Variants in ARHGAP26 observed in about 807,000 individuals in gnomAD.
ARHGAP26 encodes Rho GTPase activating protein 26.
Under a neutral mutation model 104.8 loss-of-function variants are expected in ARHGAP26, and 38 were observed. The observed-to-expected ratio is 0.36, with a 90% CI of 0.28 to 0.48. The LOEUF is 0.48. Among genes scored for constraint, ARHGAP26 ranks in the 20% least tolerant of loss-of-function variants. ARHGAP26 has a pLI of 0.99. For missense variants in ARHGAP26, 704 were observed against 947.9 expected, an observed-to-expected ratio of 0.74 and a Z score of 3.38; for synonymous variants, 341 against 340.0, an observed-to-expected ratio of 1.00 and a Z score of -0.03.
In ARHGAP26 at chr5:143,064,480, C is replaced by T. The variant is rs554383508; in HGVS notation, c.1538+6733C>T. On this transcript the variant is annotated intron_variant, in intron 17 of 22. Coordinates refer to ENST00000645722, the MANE Select transcript of ARHGAP26 (RefSeq NM_001135608.3). ...TGAAAGAAGTGAGTGATACCGCTTC[C>T]TGGCCTATTTATGGGTATGGGGCAG... 6.0e-5 allele frequency among the ~76,000 whole-genome samples: 9 copies of T among 151,228 alleles called. No individual in the cohort carries two copies. The East Asian group carries it at 1.7e-3, about 29-fold the overall frequency.
chr5:142,984,833 A>G (rs1202936087), intron 11 of ARHGAP26, among the ~76,000 whole-genome samples: 6 of 152,194 alleles, frequency 3.9e-5, no homozygotes, highest in African/African-American at 1.4e-4. Flanking sequence ...CACATGCAAT[A>G]CTTGATAATA....
chr5:143,057,953 A>T, intron 17 of ARHGAP26: 1 of 686,798 alleles, frequency 1.5e-6, no homozygotes, highest in Non-Finnish European at 2.7e-6. Context: ...ATGCTGGGGA[A>T]GTGCTCATGC....
rs564962936 is a variant in ARHGAP26, at chr5:142,883,589, G to A, written c.385-1709G>A. 8.7e-4 allele frequency among the ~76,000 whole-genome samples: 133 copies of A among 152,340 alleles called. 1 individual carries two copies. Among genetic ancestry groups the A allele is most frequent in the African/African-American group, 3.2e-3 (131 of 41,586 alleles). ...ACCAGAGGAGTGGTATTCTGACATA[G>A]CGGAGCTTGTTAGGGCTCCGGGTGA... is the stretch of plus-strand genomic sequence containing the variant. On this transcript the variant is annotated intron_variant, in intron 4 of 22. Coordinates refer to ENST00000645722, the MANE Select transcript of ARHGAP26 (RefSeq NM_001135608.3).
chr5:142,877,569 A>T (rs889121274), intron 3 of ARHGAP26, among the ~76,000 whole-genome samples: 4 of 152,200 alleles, frequency 2.6e-5, no homozygotes, highest in African/African-American at 7.2e-5. Context: ...GACAGATGAG[A>T]AAACAGGTCT....
intron 1 of ARHGAP26, among the ~76,000 whole-genome samples, chr5:142,817,685 T>G (rs1229691802): frequency 2.0e-5 from 3 of 152,156 alleles, no homozygotes; most frequent in Non-Finnish European, 4.4e-5. Context: ...TGTGGACACA[T>G]CAGCTCAACT....
intron 1 of ARHGAP26, among the ~76,000 whole-genome samples, chr5:142,834,284 A>T (rs756703340): frequency 6.6e-6 from 1 of 152,220 alleles, no homozygotes; most frequent in Admixed American, 6.5e-5. Flanking sequence ...AATGATTAGC[A>T]TCCTGGAAAG....
At chr5:142,842,569 TAGG>T (rs980539221) in intron 1 of ARHGAP26, among the ~76,000 whole-genome samples, 2 of 152,200 alleles carry the variant, frequency 1.3e-5, no homozygotes, top group African/African-American at 4.8e-5. Context: ...CGGGAAGGAC[TAGG>T]AGAAAAACAT....
intron 12 of ARHGAP26, among the ~76,000 whole-genome samples, chr5:143,020,535 C>A (rs1780170088): frequency 6.6e-6 from 1 of 152,060 alleles, no homozygotes; most frequent in African/African-American, 2.4e-5. Context: ...CTTCTCTCCT[C>A]CCCAGAAGAA....
intron 11 of ARHGAP26, among the ~76,000 whole-genome samples, chr5:142,963,198 A>ATATATATATGTGTGTGTGTGTG (rs869247749): frequency 3.1e-5 from 3 of 98,330 alleles, no homozygotes; most frequent in South Asian, 4.1e-4. Context: ...ATATATATAT[A>ATATATATATGTGTGTGTGTGTG]TGTGTGTGTG....
chr5:143,048,435 A>G (rs1784524283), intron 14 of ARHGAP26, among the ~76,000 whole-genome samples: 1 of 148,844 alleles, frequency 6.7e-6, no homozygotes, highest in Non-Finnish European at 1.5e-5. Flanking sequence ...TAATTTTTGT[A>G]TTTTTAGTAG....
At chr5:143,085,985 A>T (rs1790537327) in intron 17 of ARHGAP26, among the ~76,000 whole-genome samples, 1 of 152,078 alleles carries the variant, frequency 6.6e-6, no homozygotes, top group Non-Finnish European at 1.5e-5. Flanking sequence ...CCCATTAATA[A>T]TTTTTTTCAC....
intron 11 of ARHGAP26, among the ~76,000 whole-genome samples, chr5:143,012,007 T>G (rs1399859255): frequency 6.6e-6 from 1 of 152,166 alleles, no homozygotes; most frequent in Non-Finnish European, 1.5e-5. Flanking sequence ...TCGCCCACAT[T>G]TTATAGATGA....
chr5:142,824,848 G>C (rs1171218694), intron 1 of ARHGAP26, among the ~76,000 whole-genome samples: 1 of 152,208 alleles, frequency 6.6e-6, no homozygotes, highest in Non-Finnish European at 1.5e-5. Context: ...AAAATGTGCA[G>C]GAACTATGTT....
chr5:143,128,711 A>C (rs564132510), intron 18 of ARHGAP26, among the ~76,000 whole-genome samples: 2 of 152,302 alleles, frequency 1.3e-5, no homozygotes, highest in South Asian at 4.1e-4. Context: ...TTGTAGGTCT[A>C]CTTTCCTAAT....
intron 17 of ARHGAP26, among the ~76,000 whole-genome samples, chr5:143,110,953 T>C (rs1007939534): frequency 6.6e-6 from 1 of 152,232 alleles, no homozygotes; most frequent in Admixed American, 6.5e-5. Flanking sequence ...TGCATGAGAC[T>C]TCTCAAATCC....
At chr5:143,126,731 C>T (rs1454371774) in intron 18 of ARHGAP26, among the ~76,000 whole-genome samples, 1 of 152,158 alleles carries the variant, frequency 6.6e-6, no homozygotes, top group South Asian at 2.1e-4. Flanking sequence ...TATATGAGAA[C>T]TAAAGAGTAG....
chr5:142,948,042 AT>A (rs200335553), intron 11 of ARHGAP26, among the ~76,000 whole-genome samples: 7 of 151,272 alleles, frequency 4.6e-5, no homozygotes, highest in South Asian at 2.1e-4. Flanking sequence ...TAAACAAAAC[AT>A]TTTTTTTTGA....
At chr5:143,006,246 C>T (rs1777928803) in intron 11 of ARHGAP26, among the ~76,000 whole-genome samples, 1 of 151,730 alleles carries the variant, frequency 6.6e-6, no homozygotes, top group Non-Finnish European at 1.5e-5. Flanking sequence ...GACACCTGAG[C>T]ACACATCTAG....
At chr5:142,996,647 C>T (rs1294602036) in intron 11 of ARHGAP26, among the ~76,000 whole-genome samples, 1 of 151,890 alleles carries the variant, frequency 6.6e-6, no homozygotes, top group African/African-American at 2.4e-5. Flanking sequence ...TCTTGAGAAA[C>T]CCTTCTTGGT....
Sources: allele counts gnomAD v4.1 joint callset (sites outside exome capture counted in the v4.1 genomes callset), GRCh38; gene constraint gnomAD v4.1.1; transcripts MANE v1.5; gene names NCBI Gene and HGNC (gene_info 2026-07-23, HGNC 2026-07-21).